FILIP1: variants seen among roughly 807,000 people sequenced by gnomAD.
FILIP1 encodes filamin A interacting protein 1.
A neutral mutation model predicts 102.1 loss-of-function variants in FILIP1; 61 were observed. That is an observed-to-expected ratio of 0.60 (90% CI 0.49 to 0.74). The LOEUF (loss-of-function observed/expected upper bound fraction) is 0.74. Ranked by LOEUF, FILIP1 falls within the 30% of genes least tolerant of loss-of-function variation. The pLI, the probability that FILIP1 is intolerant of heterozygous loss-of-function variation, is 0.00. For synonymous variants in FILIP1, 491 were observed against 526.9 expected, an observed-to-expected ratio of 0.93 and a Z score of 0.93; for missense variants, 1,314 against 1,441.2, an observed-to-expected ratio of 0.91 and a Z score of 1.43.
chr6:75,318,228 C>CTTT (rs35536817), intron 4 of FILIP1, among the ~76,000 whole-genome samples: 26 of 102,864 alleles, frequency 2.5e-4, no homozygotes, highest in East Asian at 5.6e-4. Context: ...ATTATACAGT[C>CTTT]TTTTTTTTTT....
At chr6:75,336,773 A>G in intron 4 of FILIP1, among the ~76,000 whole-genome samples, 1 of 152,188 alleles carries the variant, frequency 6.6e-6, no homozygotes, top group East Asian at 1.9e-4. Flanking sequence ...ATACCACTAA[A>G]CGACTACATT....
intron 6 of FILIP1, among the ~76,000 whole-genome samples, chr6:75,297,846 G>T (rs958940261): frequency 1.3e-5 from 2 of 152,122 alleles, no homozygotes; most frequent in East Asian, 3.8e-4. Context: ...AATCAGAATT[G>T]TTCTTATTGT....
intron 2 of FILIP1, among the ~76,000 whole-genome samples, chr6:75,409,736 T>C (rs1776994225): frequency 6.6e-6 from 1 of 152,112 alleles, no homozygotes; most frequent in Non-Finnish European, 1.5e-5. Flanking sequence ...AACACCACTA[T>C]TGTAGAACTT....
chr6:75,402,230 T>C (rs549482275), intron 2 of FILIP1, among the ~76,000 whole-genome samples: 1 of 152,260 alleles, frequency 6.6e-6, no homozygotes, highest in African/African-American at 2.4e-5. Context: ...CCTGAAACAA[T>C]GAAAATCAGA....
At chr6:75,341,982 A>G (rs948355765) in intron 4 of FILIP1, among the ~76,000 whole-genome samples, 2 of 152,204 alleles carry the variant, frequency 1.3e-5, no homozygotes, top group African/African-American at 2.4e-5. Flanking sequence ...ATGGGGCTAT[A>G]TATTCATTAT....
intron 2 of FILIP1, among the ~76,000 whole-genome samples, chr6:75,369,305 C>T (rs980902012): frequency 7.2e-5 from 11 of 152,164 alleles, no homozygotes; most frequent in African/African-American, 2.7e-4. Flanking sequence ...AAGCTGAGTC[C>T]TGTGAATCTG....
downstream of FILIP1, among the ~76,000 whole-genome samples, chr6:75,303,319 G>A (rs532915887): frequency 3.9e-4 from 60 of 152,372 alleles, 2 homozygotes; most frequent in South Asian, 0.012. Flanking sequence ...GCATCTGGGT[G>A]TAGATGAAAT....
intron 5 of FILIP1, 126 bp from the exon 6 acceptor site, chr6:75,309,023 T>A (rs867814037): frequency 4.1e-6 from 4 of 966,484 alleles, no homozygotes; most frequent in Middle Eastern, 2.8e-4. Context: ...CTTCCCCAGA[T>A]AAAATAATTG....
intron 3 of FILIP1, chr6:75,358,284 A>C (rs903048257): frequency 6.6e-6 from 1 of 152,218 alleles, no homozygotes; most frequent in Admixed American, 6.5e-5. Context: ...ACTTAAAAGC[A>C]AATATGAGGT....
intron 4 of FILIP1, 93 bp downstream of exon 4, chr6:75,353,446 G>A: frequency 7.2e-7 from 1 of 1,384,186 alleles, no homozygotes; most frequent in Non-Finnish European, 1.0e-6. Flanking sequence ...TGTCCACGAT[G>A]CCCCTGGCTG....
intron 1 of FILIP1, among the ~76,000 whole-genome samples, chr6:75,479,824 G>A (rs557230088): frequency 3.3e-5 from 4 of 120,516 alleles, no homozygotes; most frequent in Non-Finnish European, 6.4e-5. Flanking sequence ...AGCCAAGATC[G>A]TACCGCTACA....
At position 75,466,415 on chromosome 6, in the gene FILIP1, T is replaced by C. The variant is rs1474536023; in HGVS notation, c.-7+26999A>G. On this transcript the variant is annotated intron_variant, in intron 1 of 5. Coordinates refer to ENST00000237172, the MANE Select transcript of FILIP1 (RefSeq NM_015687.5). The stretch of plus-strand genomic sequence containing the variant: ...AATATTTCTTGAGTTAATGAATGGA[T>C]AAATGAATGCAGTGTTTTATCAAAT... Among the ~76,000 whole-genome samples, 5 of 152,352 alleles carry C rather than the reference T, an allele frequency of 3.3e-5. No homozygotes were observed. The East Asian group carries it at 7.7e-4, about 24-fold the overall frequency.
chr6:75,305,063 G>A (rs567865386), downstream of FILIP1, among the ~76,000 whole-genome samples: 16 of 152,284 alleles, frequency 1.1e-4, no homozygotes, highest in East Asian at 3.9e-4. Flanking sequence ...AAGTGAAAAC[G>A]AGAAGTGGAA....
intron 4 of FILIP1, among the ~76,000 whole-genome samples, chr6:75,330,903 CCAA>C (rs2149577589): frequency 6.6e-6 from 1 of 152,086 alleles, no homozygotes; most frequent in South Asian, 2.1e-4. Flanking sequence ...GTGGGTTAGC[CCAA>C]CAACCCACAA....
chr6:75,392,316 C>T (rs1196194991), intron 2 of FILIP1, among the ~76,000 whole-genome samples: 1 of 152,086 alleles, frequency 6.6e-6, no homozygotes, highest in African/African-American at 2.4e-5. Flanking sequence ...CATCCCAGAC[C>T]TCTTCCCTGA....
chr6:75,417,796 G>A (rs938473279), intron 1 of FILIP1, among the ~76,000 whole-genome samples: 1 of 152,132 alleles, frequency 6.6e-6, no homozygotes, highest in Non-Finnish European at 1.5e-5. Flanking sequence ...AACTCAGGTC[G>A]GACACTAAAT....
At chr6:75,441,748 G>C (rs1219464985) in intron 1 of FILIP1, among the ~76,000 whole-genome samples, 1 of 147,946 alleles carries the variant, frequency 6.8e-6, no homozygotes, top group Admixed American at 6.6e-5. Context: ...GCGGCTGGCC[G>C]GGCAGAGGGG....
chr6:75,353,900 T>C (rs1774898600), intron 3 of FILIP1, among the ~76,000 whole-genome samples, 183 bp from the exon 4 acceptor site: 1 of 152,234 alleles, frequency 6.6e-6, no homozygotes, highest in African/African-American at 2.4e-5. Flanking sequence ...AAACCAACCA[T>C]AATAATGCTG....
chr6:75,423,567 T>C (rs548734152), intron 1 of FILIP1, among the ~76,000 whole-genome samples: 1 of 152,282 alleles, frequency 6.6e-6, no homozygotes, highest in Admixed American at 6.5e-5. Context: ...ATCTGAGACA[T>C]ATGCTTAGCA....
Sources: gnomAD v4.1 joint callset for allele counts (sites outside exome capture counted in the v4.1 genomes callset) on GRCh38, gnomAD v4.1.1 for gene constraint, MANE v1.5 for transcripts, NCBI Gene and HGNC (gene_info 2026-07-23, HGNC 2026-07-21) for gene names.